Variants in PTPN5 observed in about 807,000 individuals in gnomAD.
PTPN5 encodes the protein protein tyrosine phosphatase non-receptor type 5.
Under a neutral mutation model 73.9 loss-of-function variants are expected in PTPN5, and 29 were observed. The observed-to-expected ratio is 0.39, with a 90% CI of 0.29 to 0.54. PTPN5 has a LOEUF of 0.54. Among genes scored for constraint, PTPN5 ranks in the 20% least tolerant of loss-of-function variants. The probability of loss-of-function intolerance (pLI) is 0.65; values close to 1 mark genes in which losing one functional copy is unlikely to be tolerated. For missense variants in PTPN5, 652 were observed against 751.4 expected (o/e 0.87, Z 1.55); for synonymous variants, 267 against 304.7 (o/e 0.88, Z 1.29).
At chr11:18,779,410 G>C (rs1851318917) in intron 1 of PTPN5, among the ~76,000 whole-genome samples, 1 of 151,894 alleles carries the variant, frequency 6.6e-6, no homozygotes, top group Non-Finnish European at 1.5e-5. Flanking sequence ...GTGGGACCAA[G>C]AGTCAAGGTT....
chr11:18,768,142 T>C (rs942853147), intron 2 of PTPN5, among the ~76,000 whole-genome samples: 10 of 152,222 alleles, frequency 6.6e-5, no homozygotes, highest in Admixed American at 1.3e-4. Flanking sequence ...AATAAGTAAA[T>C]GTTGACCTGA....
chr11:18,759,246 T>C (rs564961818), intron 3 of PTPN5, among the ~76,000 whole-genome samples: 1 of 152,336 alleles, frequency 6.6e-6, no homozygotes, highest in East Asian at 1.9e-4. Context: ...AGCTATCATT[T>C]ATAGAGCACT....
chr11:18,770,121 CT>C (rs1850814215), intron 2 of PTPN5, among the ~76,000 whole-genome samples: 1 of 152,226 alleles, frequency 6.6e-6, no homozygotes, highest in Admixed American at 6.5e-5. Flanking sequence ...TCTGAAACTA[CT>C]CTTTTTACTG....
intron 3 of PTPN5, among the ~76,000 whole-genome samples, chr11:18,756,921 CAA>C (rs71483486): frequency 1.2e-5 from 1 of 83,256 alleles, no homozygotes. Flanking sequence ...AAGACTCCAT[CAA>C]AAAAAAAAAA....
chr11:18,764,323 T>C (rs1216040278), intron 3 of PTPN5, among the ~76,000 whole-genome samples: 1 of 152,234 alleles, frequency 6.6e-6, no homozygotes, highest in Admixed American at 6.5e-5. Flanking sequence ...ATAGATCTGC[T>C]GCCCCTTCCG....
intron 9 of PTPN5, among the ~76,000 whole-genome samples, chr11:18,734,872 A>G (rs1849046673): frequency 6.6e-6 from 1 of 152,186 alleles, no homozygotes; most frequent in South Asian, 2.1e-4. Flanking sequence ...CAGTGTGCAC[A>G]TTAGGAGGCT....
chr11:18,740,800 G>A lies in PTPN5; in HGVS notation c.726-8C>T. 6.7e-7 allele frequency: 1 copy of A among 1,503,432 alleles called. No homozygotes were observed. Among genetic ancestry groups the A allele is most frequent in the Non-Finnish European group, 8.9e-7 (1 of 1,118,632 alleles). The allele number at this position is 1,503,432 out of a possible 1,614,324, so 93.1% of individuals were successfully genotyped here. ...GAGACATTGGAACCCCTCCTGGAAG[G>A]ACCAGGAAAGGGAGTGTGAGCCTCA... is the stretch of plus-strand genomic sequence containing the variant. On this transcript the variant is annotated splice_region_variant and splice_polypyrimidine_tract_variant and intron_variant, in intron 7 of 14. Coordinates refer to ENST00000358540, the MANE Select transcript of PTPN5 (RefSeq NM_006906.2).
intron 9 of PTPN5, among the ~76,000 whole-genome samples, chr11:18,735,629 AAC>A (rs1409507015): frequency 1.3e-5 from 2 of 152,022 alleles, no homozygotes; most frequent in African/African-American, 4.8e-5. Context: ...CAGCCTGGCC[AAC>A]ACAGTCAAAC....
At chr11:18,764,752 G>A (rs1384715359) in intron 3 of PTPN5, among the ~76,000 whole-genome samples, 4 of 152,036 alleles carry the variant, frequency 2.6e-5, no homozygotes, top group East Asian at 1.9e-4. Flanking sequence ...TTACTCTGTC[G>A]CCCAGGCTGG....
At chr11:18,757,835 A>G (rs1850224035) in intron 3 of PTPN5, among the ~76,000 whole-genome samples, 2 of 152,338 alleles carry the variant, frequency 1.3e-5, no homozygotes, top group Middle Eastern at 6.8e-3. Context: ...GAAGGACAAC[A>G]TATTTCCTTT....
At position 18,758,927 on chromosome 11, in the gene PTPN5, G is replaced by A. The variant is rs920771250; in HGVS notation, c.97+6880C>T. On this transcript the variant is annotated intron_variant, in intron 3 of 14. Coordinates refer to ENST00000358540, the MANE Select transcript of PTPN5 (RefSeq NM_006906.2). ...ACATCCAGGCAACTCCCTAGAATAT[G>A]AGAACTGTTTCTATCCTGGTGAAGG... is the stretch of plus-strand genomic sequence containing the variant. Among the ~76,000 whole-genome samples, 9 of 152,280 alleles carry A rather than the reference G, an allele frequency of 5.9e-5. 1 individual carries two copies. The Middle Eastern group carries it at 0.017, about 288-fold the overall frequency.
rs1849406792 is a variant in PTPN5, at chr11:18,742,414, G to A, written c.573C>T (p.Phe191=). The A allele has an allele frequency of 1.2e-6, 2 of 1,614,084 alleles. No homozygotes were observed. Among genetic ancestry groups the A allele is most frequent in the South Asian group, 2.2e-5 (2 of 91,084 alleles). Residue 191 remains phenylalanine, a synonymous_variant, in exon 7 of 15, where the codon TTC becomes TTT. Coordinates refer to ENST00000358540, the MANE Select transcript of PTPN5 (RefSeq NM_006906.2). The surrounding 1 kb of genome is among the most constrained non-coding windows in gnomAD (Gnocchi z 4.1). ...RRQSVSRQPS[F]TYSEWMEEKI... ...TCTCCTCCATCCACTCTGAGTAGGTGAAGGAGGGCTGGCGGCTCACTGACT... is the reference window on the plus strand; with the variant it reads ...TCTCCTCCATCCACTCTGAGTAGGTAAAGGAGGGCTGGCGGCTCACTGACT...
intron 1 of PTPN5, among the ~76,000 whole-genome samples, chr11:18,774,542 G>A (rs375555050): frequency 3.9e-5 from 6 of 152,356 alleles, no homozygotes; most frequent in African/African-American, 1.4e-4. Flanking sequence ...GGGGCTTGAG[G>A]AGCCCTCGTC....
chr11:18,755,927 C>T (rs1850111406), intron 3 of PTPN5, among the ~76,000 whole-genome samples: 1 of 147,716 alleles, frequency 6.8e-6, no homozygotes, highest in Non-Finnish European at 1.5e-5. Context: ...TTGCTTGAAC[C>T]CGGGAGGTGG....
rs200526443 is a variant in PTPN5 at position 18,728,968 on chromosome 11, T to C, written c.1664A>G (p.Tyr555Cys). 1.6e-4 allele frequency: 258 copies of C among 1,613,398 alleles called. No individual in the cohort carries two copies. The highest frequency in any genetic ancestry group is 1.7e-4 in the Non-Finnish European group (199 of 1,179,774). Residue 555 changes from tyrosine (Y) to cysteine (C), a missense_variant, in exon 15 of 15, where the codon TAC becomes TGC. Physicochemically the swap from Tyr to Cys is radical, Grantham distance 194 (BLOSUM62 -2). Around this residue, in one of 3 missense-constraint regions of PTPN5, gnomAD observed 21 missense variants for 16.9 expected, o/e 1.24. Coordinates refer to ENST00000358540, the MANE Select transcript of PTPN5 (RefSeq NM_006906.2). This position sits in a 1 kb window ranked among gnomAD's most constrained non-coding sequence, Gnocchi z 4.1. ...YQFVHHVMSLYEKQLSHQSPE is the reference protein window; with the variant it reads ...YQFVHHVMSLCEKQLSHQSPE ...GGACTGGTGGGACAGCTGCTTTTCG[T>C]AGAGGCTCATGACGTGGTGCACAAA...
chr11:18,742,908 A>G lies in PTPN5; in HGVS notation c.483+84T>C, dbSNP rs1205890190. On this transcript the variant is annotated intron_variant, in intron 6 of 14. Transcript: ENST00000358540. The surrounding 1 kb of genome is among the most constrained non-coding windows in gnomAD (Gnocchi z 4.1). ...TTGCCCCACCCAGAATGTCCAGCCT[A>G]TAAGTCAGATGGGAGCTGGTAGAAA... is the stretch of plus-strand genomic sequence containing the variant. 2.4e-5 allele frequency: 23 copies of G among 941,614 alleles called. No homozygotes were observed. Among genetic ancestry groups the G allele is most frequent in the Non-Finnish European group, 3.2e-5 (19 of 595,958 alleles). 58.3% of individuals were successfully genotyped at this position (941,614 alleles called of 1,614,324 possible). A position where few individuals can be genotyped will look rare whatever the true frequency, so the allele number is the denominator to read the frequency against.
intron 4 of PTPN5, 86 bp downstream of exon 4, chr11:18,743,920 C>T: frequency 1.4e-6 from 2 of 1,465,050 alleles, no homozygotes; most frequent in Non-Finnish European, 1.8e-6. Flanking sequence ...TCCTGCCTTC[C>T]AGGTGGCCAT....
At chr11:18,791,960 C>T (rs908145432), upstream of PTPN5, 1 of 152,258 alleles carries the variant, frequency 6.6e-6, no homozygotes, top group African/African-American at 2.4e-5. Context: ...ATCACAGACC[C>T]TTAACCCCTG....
intron 2 of PTPN5, among the ~76,000 whole-genome samples, chr11:18,766,480 A>G (rs1186780888): frequency 1.3e-5 from 2 of 152,258 alleles, no homozygotes; most frequent in Non-Finnish European, 1.5e-5. Flanking sequence ...GAAAAGTGGT[A>G]TGCAGAACTC....
Sources: allele counts gnomAD v4.1 joint callset (sites outside exome capture counted in the v4.1 genomes callset), GRCh38; gene constraint gnomAD v4.1.1; regional missense constraint gnomAD v4.1.1; non-coding constraint Gnocchi (gnomAD v3.1); transcripts MANE v1.5; gene names NCBI Gene and HGNC (gene_info 2026-07-23, HGNC 2026-07-21).